Variants in NAV1 observed in about 807,000 individuals in gnomAD.
The protein encoded by NAV1 is neuron navigator 1, also known as pore membrane and/or filament interacting like protein 3.
A neutral mutation model predicts 175.2 loss-of-function variants in NAV1; 18 were observed. That is an observed-to-expected ratio of 0.10 (90% confidence interval 0.07 to 0.15). NAV1 has a LOEUF of 0.15. Ranked by LOEUF, NAV1 falls within the 10% of genes least tolerant of loss-of-function variation. NAV1 has a pLI of 1.00. For synonymous variants in NAV1, 897 were observed against 978.7 expected (o/e 0.92, Z 1.56); for missense variants, 1,731 against 2,436.6 (o/e 0.71, Z 6.10).
Position 201,702,902 on chromosome 1 carries a change from T to C in NAV1, c.758-9915T>C, listed in dbSNP as rs138734598. ...AAATGGGGATAATAACTGGGCTCTC[T>C]CAAAGAGTTGTCCTGAAGATTAAAT... On this transcript the variant is annotated intron_variant, in intron 1 of 29. Coordinates refer to ENST00000367296, the Ensembl canonical transcript of NAV1. Among the ~76,000 whole-genome samples, 474 of 152,326 alleles carry C rather than the reference T, an allele frequency of 3.1e-3. 5 individuals carry two copies. The highest frequency in any genetic ancestry group is 8.6e-3 in the African/African-American group (357 of 41,570).
At chr1:201,563,378 T>A (rs181106762) in intron 1 of NAV1, among the ~76,000 whole-genome samples, 2 of 151,960 alleles carry the variant, frequency 1.3e-5, no homozygotes, top group East Asian at 3.9e-4. Flanking sequence ...TTCTGGGAGA[T>A]GTATCTTTCT....
rs558522754 is a variant in NAV1 at position 201,782,441 on chromosome 1, T to C, written c.1929T>C (p.Asn643=). The change falls in exon 6 of 30, where the codon AAT becomes AAC. Residue 643 remains asparagine, a synonymous_variant. Transcript: ENST00000367296. The surrounding 1 kb of genome is among the most constrained non-coding windows in gnomAD (Gnocchi z 5.4). ...CAGGCATCCCTGTCAAGCCAGTAAA[T>C]GGGCGCAAGACTAGCTTAGATGTTT... is the stretch of plus-strand genomic sequence containing the variant. 96 of 1,613,932 alleles carry C rather than the reference T, an allele frequency of 5.9e-5. No homozygotes were observed. Among genetic ancestry groups the C allele is most frequent in the African/African-American group, 1.1e-4 (8 of 74,916 alleles).
rs1462927390 is a variant in NAV1 at position 201,808,330 on chromosome 1, G to A, written c.3846-88G>A. The stretch of plus-strand genomic sequence containing the variant: ...GATTGAATATCAATGGGCAGGAGAA[G>A]CCAAGACCACCAACCATGCCTCTCA... On this transcript the variant is annotated intron_variant, in intron 18 of 29. Coordinates refer to ENST00000367296, the Ensembl canonical transcript of NAV1. The surrounding 1 kb of genome is among the most constrained non-coding windows in gnomAD (Gnocchi z 5.5). 1 of 1,483,928 alleles carries A rather than the reference G, an allele frequency of 6.7e-7. No individual in the cohort carries two copies. Among genetic ancestry groups the A allele is most frequent in the East Asian group, 2.3e-5 (1 of 43,686 alleles). The allele number at this position is 1,483,928 out of a possible 1,614,324, so 91.9% of individuals were successfully genotyped here.
chr1:201,767,314 G>A (rs188165781), intron 3 of NAV1, among the ~76,000 whole-genome samples: 455 of 151,850 alleles, frequency 3.0e-3, no homozygotes, highest in African/African-American at 0.01. Context: ...AGCTGGGCAT[G>A]GTGGTGGGCA....
intron 1 of NAV1, among the ~76,000 whole-genome samples, chr1:201,575,623 A>AAAATCC (rs931644274): frequency 2.6e-4 from 39 of 152,232 alleles, no homozygotes; most frequent in Non-Finnish European, 4.4e-5. Context: ...AATTGGAAGG[A>AAAATCC]AAATCCAAAT....
intron 2 of NAV1, among the ~76,000 whole-genome samples, chr1:201,591,864 G>A (rs1010043080): frequency 2.0e-5 from 3 of 152,156 alleles, no homozygotes; most frequent in Non-Finnish European, 2.9e-5. Context: ...CACCCGAAAT[G>A]ACAGAAGAGG....
intron 2 of NAV1, among the ~76,000 whole-genome samples, chr1:201,613,670 C>A (rs1177177742): frequency 6.6e-6 from 1 of 152,096 alleles, no homozygotes; most frequent in Non-Finnish European, 1.5e-5. Flanking sequence ...CGAGACCAGC[C>A]TGGCCAACAT....
At chr1:201,596,911 C>A (rs866767586) in intron 2 of NAV1, among the ~76,000 whole-genome samples, 1 of 152,114 alleles carries the variant, frequency 6.6e-6, no homozygotes, top group Non-Finnish European at 1.5e-5. Flanking sequence ...CTGCAACCTC[C>A]GCCTCCTGGG....
At chr1:201,654,687 A>G (rs1316893546) in intron 1 of NAV1, among the ~76,000 whole-genome samples, 3 of 152,060 alleles carry the variant, frequency 2.0e-5, no homozygotes, top group African/African-American at 7.2e-5. Context: ...TTCTCTCTGC[A>G]GAGCGCTCCA....
intron 1 of NAV1, among the ~76,000 whole-genome samples, chr1:201,563,442 G>A (rs1666262173): frequency 6.6e-6 from 1 of 151,832 alleles, no homozygotes; most frequent in Non-Finnish European, 1.5e-5. Context: ...CAATCCCCAA[G>A]ACACTGCTTG....
At chr1:201,805,107 A>C (rs533979785) in intron 17 of NAV1, among the ~76,000 whole-genome samples, 1 of 152,302 alleles carries the variant, frequency 6.6e-6, no homozygotes, top group African/African-American at 2.4e-5. Context: ...CAGAAAATGC[A>C]TCCAGAATTT....
chr1:201,640,511 C>G (rs764289825), intron 2 of NAV1, among the ~76,000 whole-genome samples: 6 of 152,194 alleles, frequency 3.9e-5, no homozygotes, highest in Non-Finnish European at 7.3e-5. Flanking sequence ...CCCCCTGTCT[C>G]CCAGAAGTGT....
At chr1:201,728,686 C>T (rs1672720868) in intron 3 of NAV1, among the ~76,000 whole-genome samples, 2 of 152,022 alleles carry the variant, frequency 1.3e-5, no homozygotes, top group Admixed American at 1.3e-4. Context: ...GTCTCAAACT[C>T]CTGGGCTCAA....
chr1:201,739,935 C>T (rs990048123), intron 3 of NAV1: 2 of 1,364,920 alleles, frequency 1.5e-6, no homozygotes, highest in Non-Finnish European at 1.9e-6. Context: ...ACAGCTCATA[C>T]CTTTTCGGGT....
chr1:201,803,737 G>GA (rs2102791096), intron 16 of NAV1, 23 bp downstream of exon 20: 1 of 1,607,732 alleles, frequency 6.2e-7, no homozygotes, highest in South Asian at 1.1e-5. Context: ...TTGGGGGGTG[G>GA]GAAGTAGGTA....
At position 201,810,060 on chromosome 1, in the gene NAV1, C is replaced by T; in HGVS notation, c.4516C>T (p.Pro1506Ser). Residue 1506 changes from proline (P) to serine (S), a missense_variant, in exon 23 of 30, where the codon CCT (proline) becomes TCT (serine). Around this residue, in one of 13 missense-constraint regions of NAV1, gnomAD observed 36 missense variants for 45.3 expected, o/e 0.80. Transcript: ENST00000367296. The surrounding 1 kb of genome is among the most constrained non-coding windows in gnomAD (Gnocchi z 6.0). ...GTTGGATGCAGAGCCCCCCGAGATGCCTCCTTGCCGTCGAGGTGTCAATAA... is the reference window on the plus strand; with the variant it reads ...GTTGGATGCAGAGCCCCCCGAGATGTCTCCTTGCCGTCGAGGTGTCAATAA... The T allele has an allele frequency of 6.2e-7, 1 of 1,613,964 alleles. No homozygotes were observed. The highest frequency in any genetic ancestry group is 8.5e-7 in the Non-Finnish European group (1 of 1,179,988).
chr1:201,709,057 G>A (rs1427442497), intron 1 of NAV1, among the ~76,000 whole-genome samples: 1 of 150,994 alleles, frequency 6.6e-6, no homozygotes, highest in Non-Finnish European at 1.5e-5. Flanking sequence ...GCTAAGGTGG[G>A]AGAATCGCTC....
chr1:201,564,613 ACT>A (rs781349743), intron 1 of NAV1, among the ~76,000 whole-genome samples: 25 of 152,070 alleles, frequency 1.6e-4, no homozygotes, highest in Non-Finnish European at 3.5e-4. Flanking sequence ...ACAGAGTGAG[ACT>A]CTGTCTCAAA....
chr1:201,790,613 T>C (rs1324381982), intron 12 of NAV1, 36 bp downstream of exon 16: 3 of 1,613,974 alleles, frequency 1.9e-6, no homozygotes, highest in Non-Finnish European at 2.5e-6. Context: ...CTTGTTAACA[T>C]CACTGCACCT....
Sources: gnomAD v4.1 joint callset for allele counts (sites outside exome capture counted in the v4.1 genomes callset) on GRCh38, gnomAD v4.1.1 for gene constraint, gnomAD v4.1.1 regional missense constraint, Gnocchi (gnomAD v3.1) non-coding constraint, MANE v1.5 for transcripts, NCBI Gene and HGNC (gene_info 2026-07-23, HGNC 2026-07-21) for gene names.